The following SELENOI variants were observed in gnomAD, a reference collection of about 807,000 sequenced individuals.
SELENOI encodes the protein ethanolaminephosphotransferase 1.
Under a neutral mutation model 50.7 loss-of-function variants are expected in SELENOI, and 24 were observed. The ratio of observed to expected loss-of-function variants is 0.47; its 90% CI spans 0.34 to 0.67. The LOEUF (loss-of-function observed/expected upper bound fraction) is 0.67. Among genes scored for constraint, SELENOI ranks in the 30% least tolerant of loss-of-function variants. The pLI is 0.01. For missense variants in SELENOI, 352 were observed against 461.4 expected (o/e 0.76, Z 2.17); for synonymous variants, 155 against 170.2 (o/e 0.91, Z 0.70).
chr2:26,370,905 C>T (rs1359496693), intron 4 of SELENOI, among the ~76,000 whole-genome samples: 17 of 117,798 alleles, frequency 1.4e-4, no homozygotes, highest in South Asian at 2.7e-4. Context: ...CCCTCCCGGA[C>T]GGGGCGGCTG....
At chr2:26,384,935 A>C in intron 7 of SELENOI, 24 bp from the exon 8 acceptor site, 1 of 1,536,504 alleles carries the variant, frequency 6.5e-7, no homozygotes, top group Non-Finnish European at 8.9e-7. Context: ...AATGTTCTTT[A>C]TATTACTTGA....
intron 9 of SELENOI, among the ~76,000 whole-genome samples, chr2:26,387,816 G>A (rs1677879341): frequency 6.6e-6 from 1 of 152,052 alleles, no homozygotes; most frequent in South Asian, 2.1e-4. Flanking sequence ...GTTGTGACAG[G>A]GTATTCACAT....
At chr2:26,377,698 C>T (rs1417556971) in intron 6 of SELENOI, among the ~76,000 whole-genome samples, 1 of 151,490 alleles carries the variant, frequency 6.6e-6, no homozygotes, top group African/African-American at 2.4e-5. Flanking sequence ...CTTTCTATTT[C>T]TCTGTTGAGA....
intron 1 of SELENOI, 119 bp downstream of exon 1, chr2:26,346,408 C>A: frequency 1.6e-6 from 2 of 1,277,382 alleles, no homozygotes; most frequent in Non-Finnish European, 2.1e-6. Flanking sequence ...GGCTGGCGGG[C>A]GTTCCTCCGG....
At chr2:26,379,269 ATAAC>A (rs1677632599) in intron 6 of SELENOI, among the ~76,000 whole-genome samples, 1 of 152,216 alleles carries the variant, frequency 6.6e-6, no homozygotes, top group Non-Finnish European at 1.5e-5. Context: ...TCTAAAATAA[ATAAC>A]TAATTAAAAA....
intron 8 of SELENOI, among the ~76,000 whole-genome samples, 180 bp from the exon 9 acceptor site, chr2:26,386,173 TG>T (rs1246839662): frequency 2.0e-5 from 3 of 152,214 alleles, no homozygotes; most frequent in Non-Finnish European, 2.9e-5. Flanking sequence ...CATGGGTTTT[TG>T]GGCAGGGCCA....
intron 9 of SELENOI, among the ~76,000 whole-genome samples, chr2:26,388,402 C>G (rs903957991): frequency 2.0e-5 from 3 of 152,146 alleles, no homozygotes; most frequent in African/African-American, 7.2e-5. Context: ...TTAGGATCAT[C>G]TTTTTTATCT....
chr2:26,387,774 T>G lies in SELENOI; in HGVS notation c.1096-1231T>G, dbSNP rs148684692. ...CTCGAATATTTTTGTTTCATTTGTT[T>G]TATTTTCCGAGGATAATTTCATAGG... On this transcript the variant is annotated intron_variant, in intron 9 of 9. Coordinates refer to ENST00000260585, the MANE Select transcript of SELENOI (RefSeq NM_033505.4). 2.6e-5 allele frequency among the ~76,000 whole-genome samples: 4 copies of G among 152,308 alleles called. No homozygotes were observed. The East Asian group carries it at 7.7e-4, about 29-fold the overall frequency.
intron 1 of SELENOI, among the ~76,000 whole-genome samples, chr2:26,353,103 G>A (rs564934964): frequency 1.3e-5 from 2 of 152,196 alleles, no homozygotes; most frequent in Non-Finnish European, 2.9e-5. Flanking sequence ...CCACATAAAA[G>A]ACGGGGAGGA....
chr2:26,347,672 T>A (rs1003155879), intron 1 of SELENOI, among the ~76,000 whole-genome samples: 1 of 152,226 alleles, frequency 6.6e-6, no homozygotes, highest in Non-Finnish European at 1.5e-5. Flanking sequence ...TTTTGTTGTC[T>A]GTTCTGCAGG....
chr2:26,388,940 C>A, intron 9 of SELENOI, 65 bp from the exon 10 acceptor site: 1 of 1,259,678 alleles, frequency 7.9e-7, no homozygotes, highest in Non-Finnish European at 1.1e-6. Context: ...GGGGTAAATT[C>A]TGTGTGCTTT....
chr2:26,379,849 C>CA (rs34253134), intron 6 of SELENOI, among the ~76,000 whole-genome samples: 1 of 152,156 alleles, frequency 6.6e-6, no homozygotes, highest in African/African-American at 2.4e-5. Flanking sequence ...TAAACTATGA[C>CA]AAAATCCTTG....
At chr2:26,378,248 C>G (rs547443954) in intron 6 of SELENOI, among the ~76,000 whole-genome samples, 2 of 152,182 alleles carry the variant, frequency 1.3e-5, no homozygotes, top group Non-Finnish European at 2.9e-5. Context: ...GCCCCCAACC[C>G]TCAAGCCAGT....
intron 1 of SELENOI, among the ~76,000 whole-genome samples, chr2:26,358,147 A>C (rs1426255381): frequency 6.6e-6 from 1 of 152,120 alleles, no homozygotes; most frequent in Non-Finnish European, 1.5e-5. Flanking sequence ...TCACGCCTGC[A>C]ATCCCAGCAC....
intron 4 of SELENOI, among the ~76,000 whole-genome samples, chr2:26,372,987 C>T (rs182383742): frequency 4.7e-4 from 71 of 152,292 alleles, no homozygotes; most frequent in African/African-American, 1.5e-3. Context: ...CTCCTGGGCT[C>T]AAACAATCTT....
chr2:26,383,733 G>A (rs1677761281), intron 7 of SELENOI, among the ~76,000 whole-genome samples: 1 of 152,160 alleles, frequency 6.6e-6, no homozygotes, highest in African/African-American at 2.4e-5. Context: ...AATTAGCTGT[G>A]TGTGGTGGCA....
rs1435183168 is a variant in SELENOI at position 26,391,276 on chromosome 2, A to T, written c.*2173A>T. On this transcript the variant is annotated 3_prime_UTR_variant, in exon 10 of 10. Coordinates refer to ENST00000260585, the MANE Select transcript of SELENOI (RefSeq NM_033505.4). Reference sequence around the variant, plus strand: ...AGAAAAGTAGCTGTCAACAAGGGGAAAGTGAAATTGAGCAATTCACTGTTT... The same window carrying T: ...AGAAAAGTAGCTGTCAACAAGGGGATAGTGAAATTGAGCAATTCACTGTTT... The T allele has an allele frequency of 1.3e-5, 2 of 152,214 alleles. No individual in the cohort carries two copies. The highest frequency in any genetic ancestry group is 4.8e-5 in the African/African-American group (2 of 41,452). 9.4% of individuals were successfully genotyped at this position (152,214 alleles called of 1,614,324 possible).
intron 8 of SELENOI, 50 bp downstream of exon 8, chr2:26,385,189 C>T: frequency 9.3e-7 from 1 of 1,075,094 alleles, no homozygotes; most frequent in Non-Finnish European, 1.2e-6. Context: ...GATTGTATGA[C>T]AGAATTTGAT....
chr2:26,390,933 G>C lies in SELENOI; in HGVS notation c.*1830G>C, dbSNP rs1015827910. The C allele has an allele frequency of 6.6e-6, 1 of 152,256 alleles. No individual in the cohort carries two copies. Among genetic ancestry groups the C allele is most frequent in the South Asian group, 2.1e-4 (1 of 4,824 alleles). 9.4% of individuals were successfully genotyped at this position (152,256 alleles called of 1,614,324 possible). A position where few individuals can be genotyped will look rare whatever the true frequency, so the allele number is the denominator to read the frequency against. On this transcript the variant is annotated 3_prime_UTR_variant, in exon 10 of 10. Transcript: ENST00000260585. ...AGATTTCTAAGCTAATTATTTTACC[G>C]TTTTGTTGACCTTGTACACAAGAAT...
Sources: gnomAD v4.1 joint callset for allele counts (sites outside exome capture counted in the v4.1 genomes callset) on GRCh38, gnomAD v4.1.1 for gene constraint, MANE v1.5 for transcripts, NCBI Gene and HGNC (gene_info 2026-07-23, HGNC 2026-07-21) for gene names.